Variants in FMO2 observed in about 807,000 individuals in gnomAD.
FMO2 encodes the protein flavin-containing monooxygenase 2.
FMO2 carries 33 observed loss-of-function variants against 41.6 expected under a neutral mutation model. That is an observed-to-expected ratio of 0.79 (90% CI 0.60 to 1.06). The LOEUF (loss-of-function observed/expected upper bound fraction) is 1.06, where lower values mean the gene tolerates loss of function less well. Ranked by LOEUF, FMO2 falls within the 50% of genes least tolerant of loss-of-function variation. The pLI, the probability that FMO2 is intolerant of heterozygous loss-of-function variation, is 0.00. For missense variants in FMO2, 619 were observed against 632.9 expected (o/e 0.98, Z 0.23); for synonymous variants, 214 against 219.6 (o/e 0.97, Z 0.23).
At position 171,196,821 on chromosome 1, in the gene FMO2, G is replaced by A. The variant is rs567178687; in HGVS notation, c.484+10G>A. ...CTGAAGTCATTTCCAGGTGAGACCC[G>A]CTGGGATTCCCAGCTTTTTGGAGTA... On this transcript the variant is annotated intron_variant, in intron 4 of 8. Coordinates refer to ENST00000209929, the MANE Select transcript of FMO2 (RefSeq NM_001460.5). The A allele has an allele frequency of 5.6e-6, 9 of 1,608,488 alleles. No homozygotes were observed. The highest frequency in any genetic ancestry group is 4.0e-5 in the African/African-American group (3 of 74,874).
At chr1:171,199,515 C>A in intron 5 of FMO2, 27 bp downstream of exon 5, 1 of 1,566,466 alleles carries the variant, frequency 6.4e-7, no homozygotes. Context: ...TTACCATGTA[C>A]CTGGAGGGGA....
intron 5 of FMO2, among the ~76,000 whole-genome samples, chr1:171,200,917 T>C (rs190977542): frequency 3.3e-5 from 5 of 152,250 alleles, no homozygotes; most frequent in Middle Eastern, 3.4e-3. Context: ...GGAGCTAATA[T>C]AGCAGTCAGC....
At chr1:171,203,660 C>G (rs1388655632) in intron 5 of FMO2, among the ~76,000 whole-genome samples, 1 of 152,106 alleles carries the variant, frequency 6.6e-6, no homozygotes, top group Admixed American at 6.5e-5. Context: ...ATGAAGTTCT[C>G]AAGATTTTGT....
chr1:171,194,148 G>A (rs962327682), intron 3 of FMO2, among the ~76,000 whole-genome samples: 9 of 152,190 alleles, frequency 5.9e-5, no homozygotes, highest in Non-Finnish European at 1.0e-4. Flanking sequence ...TTGAAAGGGC[G>A]TATACCAAAA....
chr1:171,202,208 T>C (rs1027886332), intron 5 of FMO2, among the ~76,000 whole-genome samples: 4 of 152,102 alleles, frequency 2.6e-5, no homozygotes, highest in African/African-American at 9.7e-5. Flanking sequence ...AGCATACCAT[T>C]TGAAACATGG....
chr1:171,211,319 A>G lies in FMO2; in HGVS notation c.*2174A>G, dbSNP rs1056229308. 1.3e-5 allele frequency: 2 copies of G among 152,216 alleles called. No individual in the cohort carries two copies. Among genetic ancestry groups the G allele is most frequent in the African/African-American group, 4.8e-5 (2 of 41,464 alleles). The allele number at this position is 152,216 out of a possible 1,614,324, so 9.4% of individuals were successfully genotyped here. A position where few individuals can be genotyped will look rare whatever the true frequency, so the allele number is the denominator to read the frequency against. ...AGTCGCAACAGAATCTCTGTGGCCC[A>G]CAAGGCTAAAATATTTACATTCTCA... On this transcript the variant is annotated 3_prime_UTR_variant, in exon 9 of 9. Transcript: ENST00000209929.
At chr1:171,194,981 T>G (rs1658240266) in intron 3 of FMO2, among the ~76,000 whole-genome samples, 1 of 152,232 alleles carries the variant, frequency 6.6e-6, no homozygotes, top group Non-Finnish European at 1.5e-5. Context: ...TAACAGATTA[T>G]GTATACCAGA....
chr1:171,204,160 A>T, intron 6 of FMO2, 96 bp downstream of exon 6: 1 of 825,378 alleles, frequency 1.2e-6, no homozygotes, highest in Non-Finnish European at 2.0e-6. Flanking sequence ...CTAACACGGT[A>T]GTTAAAACTA....
intron 6 of FMO2, among the ~76,000 whole-genome samples, chr1:171,204,794 C>T (rs1571290473): frequency 6.6e-6 from 1 of 152,276 alleles, no homozygotes; most frequent in East Asian, 1.9e-4. Flanking sequence ...TTGGGATTAA[C>T]AAATATCACC....
At chr1:171,190,255 C>T (rs1282503419) in intron 2 of FMO2, among the ~76,000 whole-genome samples, 1 of 152,116 alleles carries the variant, frequency 6.6e-6, no homozygotes, top group Non-Finnish European at 1.5e-5. Flanking sequence ...AGCTCGTGAT[C>T]AAAAGATCAT....
chr1:171,188,295 C>T (rs1657938519), intron 2 of FMO2, among the ~76,000 whole-genome samples: 1 of 152,124 alleles, frequency 6.6e-6, no homozygotes, highest in Non-Finnish European at 1.5e-5. Flanking sequence ...TCCAACTATC[C>T]TTTTGCCAGT....
intron 7 of FMO2, among the ~76,000 whole-genome samples, chr1:171,207,227 C>T (rs1042905074): frequency 6.6e-6 from 1 of 152,212 alleles, no homozygotes; most frequent in African/African-American, 2.4e-5. Context: ...CTTTCCCTAT[C>T]TCTACTGCCC....
Position 171,203,870 on chromosome 1 carries a change from T to C in FMO2, c.633T>C (p.Phe211=), listed in dbSNP as rs1053853401. The C allele has an allele frequency of 6.2e-7, 1 of 1,613,380 alleles. No homozygotes were observed. ...VELSKNAAQV[F]ISTRHGTWVM... is the part of the protein sequence containing the mutation. Reference sequence around the variant, plus strand: ...CATTTCTTTTTGCTTGCCAGGTTTTTATCAGCACCAGGCATGGCACCTGGG... The same window carrying C: ...CATTTCTTTTTGCTTGCCAGGTTTTCATCAGCACCAGGCATGGCACCTGGG... The change falls in exon 6 of 9, where the codon TTT becomes TTC. Residue 211 remains phenylalanine (F), a synonymous_variant. Coordinates refer to ENST00000209929, the MANE Select transcript of FMO2 (RefSeq NM_001460.5).
chr1:171,205,233 C>A, intron 6 of FMO2, 46 bp from the exon 7 acceptor site: 1 of 1,242,350 alleles, frequency 8.0e-7, no homozygotes, highest in Non-Finnish European at 1.1e-6. Flanking sequence ...GTTCAAGATT[C>A]CTCAGCAAAT....
At chr1:171,185,515 A>G (rs150129010) in intron 1 of FMO2, 156 bp downstream of exon 1, 281 of 512,006 alleles carry the variant, frequency 5.5e-4, no homozygotes, top group African/African-American at 4.7e-3. Context: ...GGTTTGCAAC[A>G]AAGTCCATAA....
chr1:171,202,412 A>T (rs979216590), intron 5 of FMO2, among the ~76,000 whole-genome samples: 1 of 152,162 alleles, frequency 6.6e-6, no homozygotes, highest in African/African-American at 2.4e-5. Flanking sequence ...GCTACTTCAC[A>T]AGCTAGGAAT....
At chr1:171,206,876 A>C (rs189585378) in intron 7 of FMO2, among the ~76,000 whole-genome samples, 2 of 152,350 alleles carry the variant, frequency 1.3e-5, no homozygotes, top group Admixed American at 1.3e-4. Flanking sequence ...GGAAGCCATA[A>C]ATGTGAGAAA....
rs187393653 is a variant in FMO2 at position 171,205,611 on chromosome 1, G to T, written c.1160G>T (p.Arg387Leu). The T allele has an allele frequency of 1.2e-6, 2 of 1,609,830 alleles. No individual in the cohort carries two copies. Among genetic ancestry groups the T allele is most frequent in the East Asian group, 2.2e-5 (1 of 44,842 alleles). ...TTCCCAACTGCTGAACTTCAAGCTCGTTGGGTGACAAGAGTTTTCAAAGGT... is the reference window on the plus strand; with the variant it reads ...TTCCCAACTGCTGAACTTCAAGCTCTTTGGGTGACAAGAGTTTTCAAAGGT... Reference protein sequence around the residue: ...SIFPTAELQARWVTRVFKGLC... With the variant: ...SIFPTAELQALWVTRVFKGLC... The change falls in exon 7 of 9, where the codon CGT becomes CTT. Residue 387 changes from arginine (R) to leucine (L), a missense_variant. Transcript: ENST00000209929.
chr1:171,199,646 T>C, intron 5 of FMO2, 158 bp downstream of exon 5: 1 of 576,646 alleles, frequency 1.7e-6, no homozygotes, highest in Admixed American at 3.5e-5. Flanking sequence ...AGAAACCACT[T>C]TACCTCCTAG....
Sources: allele counts gnomAD v4.1 joint callset (sites outside exome capture counted in the v4.1 genomes callset), GRCh38; gene constraint gnomAD v4.1.1; transcripts MANE v1.5; gene names NCBI Gene and HGNC (gene_info 2026-07-23, HGNC 2026-07-21).